The following THOC5 variants were observed in gnomAD, a reference collection of about 807,000 sequenced individuals.
THOC5 encodes the protein Fms-interacting protein.
Under a neutral mutation model 92.9 loss-of-function variants are expected in THOC5, and 43 were observed. The observed-to-expected ratio is 0.46, with a 90% CI of 0.36 to 0.60. THOC5 has a LOEUF of 0.60. THOC5 is among the 20% of genes least tolerant of loss of function. The pLI, the probability that THOC5 is intolerant of heterozygous loss-of-function variation, is 0.00. For missense variants in THOC5, 659 were observed against 849.4 expected (o/e 0.78, Z 2.79); for synonymous variants, 296 against 320.1 (o/e 0.92, Z 0.80).
chr22:29,545,607 T>G (rs2064000701), intron 2 of THOC5, among the ~76,000 whole-genome samples: 1 of 152,116 alleles, frequency 6.6e-6, no homozygotes, highest in Non-Finnish European at 1.5e-5. Context: ...AAGACCAAAA[T>G]CCAGTAGGGC....
intron 16 of THOC5, 43 bp from the exon 17 acceptor site, chr22:29,517,159 C>T (rs774677710): frequency 1.2e-6 from 2 of 1,611,552 alleles, no homozygotes; most frequent in South Asian, 2.2e-5. Context: ...GCTGGCTCCT[C>T]TGGTTAAACC....
At position 29,505,885 on chromosome 22, in the gene THOC5, C is replaced by T. The variant is rs1427989056; in HGVS notation, c.*2572G>A. On this transcript the variant is annotated 3_prime_UTR_variant, in exon 20 of 20. Coordinates refer to ENST00000490103, the MANE Select transcript of THOC5 (RefSeq NM_003678.5). ...TACATCTTTTTTTTTTTTTCCAAGA[C>T]GGAGTCTTGCTCTGTTGTCCAGATG... is the stretch of plus-strand genomic sequence containing the variant. 2.0e-5 allele frequency: 3 copies of T among 150,472 alleles called. No individual in the cohort carries two copies. Among genetic ancestry groups the T allele is most frequent in the South Asian group, 2.1e-4 (1 of 4,770 alleles). 9.3% of individuals were successfully genotyped at this position (150,472 alleles called of 1,614,324 possible).
chr22:29,518,304 A>G (rs887561257), intron 15 of THOC5, among the ~76,000 whole-genome samples: 2 of 152,168 alleles, frequency 1.3e-5, no homozygotes, highest in African/African-American at 4.8e-5. Flanking sequence ...AAGTGCTGTG[A>G]TTACAGGCAA....
intron 8 of THOC5, among the ~76,000 whole-genome samples, chr22:29,530,750 AC>A (rs1221774219): frequency 6.6e-6 from 1 of 151,714 alleles, no homozygotes; most frequent in Admixed American, 6.6e-5. Flanking sequence ...ATGTCTTGAG[AC>A]CCCCTCTGAG....
intron 11 of THOC5, 60 bp from the exon 12 acceptor site, chr22:29,526,006 A>G: frequency 1.2e-6 from 1 of 843,344 alleles, no homozygotes; most frequent in African/African-American, 1.8e-5. Flanking sequence ...GAGTGAACAG[A>G]GTCATAGGGG....
At chr22:29,530,505 G>C (rs1601421542) in intron 8 of THOC5, among the ~76,000 whole-genome samples, 1 of 152,068 alleles carries the variant, frequency 6.6e-6, no homozygotes, top group East Asian at 1.9e-4. Context: ...GGGCAACAGA[G>C]CCAGACTCCA....
chr22:29,523,839 T>C (rs28565881), intron 12 of THOC5, among the ~76,000 whole-genome samples: 2,171 of 152,318 alleles, frequency 0.014, 58 homozygotes, highest in African/African-American at 0.05. Context: ...AGAATGATAG[T>C]ATGAGATTCA....
At position 29,529,218 on chromosome 22, in the gene THOC5, A is replaced by C. The variant is rs760505803; in HGVS notation, c.869T>G (p.Ile290Ser). 24 of 1,614,046 alleles carry C rather than the reference A, an allele frequency of 1.5e-5. No homozygotes were observed. The highest frequency in any genetic ancestry group is 1.9e-5 in the Non-Finnish European group (22 of 1,180,030). ...CTTGGCTTCATCCACACTGCCTTCG[A>C]TTGCCACAGATAACGTCTTATCTGG... ...QACDKTLSVAIEGSVDEAKAL... is the reference protein window; with the variant it reads ...QACDKTLSVASEGSVDEAKAL... The change falls in exon 9 of 20, where the codon ATC becomes AGC. Residue 290 changes from isoleucine (I) to serine (S), a missense_variant. Coordinates refer to ENST00000490103, the MANE Select transcript of THOC5 (RefSeq NM_003678.5).
intron 5 of THOC5, among the ~76,000 whole-genome samples, chr22:29,540,342 A>T (rs933472694): frequency 6.6e-6 from 1 of 152,276 alleles, no homozygotes; most frequent in Non-Finnish European, 1.5e-5. Context: ...GACAGTAATG[A>T]TAACGGCAGC....
chr22:29,522,177 C>T (rs1002405532), intron 12 of THOC5, among the ~76,000 whole-genome samples: 8 of 145,230 alleles, frequency 5.5e-5, no homozygotes, highest in African/African-American at 1.8e-4. Context: ...GGTGAAACCC[C>T]GTCTCTGCTA....
intron 12 of THOC5, among the ~76,000 whole-genome samples, chr22:29,524,830 C>A (rs2188120): frequency 0.17 from 26,525 of 152,182 alleles, 2,541 homozygotes; most frequent in Middle Eastern, 0.23. Context: ...CCCTGCTCTA[C>A]CAGGCACCAG....
At chr22:29,530,158 A>G (rs2063623496) in intron 8 of THOC5, among the ~76,000 whole-genome samples, 1 of 150,112 alleles carries the variant, frequency 6.7e-6, no homozygotes, top group Non-Finnish European at 1.5e-5. Flanking sequence ...AAAAAGAAAA[A>G]AGAAAAACAG....
chr22:29,544,428 C>T, intron 3 of THOC5, 32 bp downstream of exon 3: 1 of 1,603,862 alleles, frequency 6.2e-7, no homozygotes, highest in Non-Finnish European at 8.5e-7. Context: ...GTAAACCCAC[C>T]AGGTTCACGG....
At chr22:29,543,842 C>T (rs1426070582) in intron 3 of THOC5, among the ~76,000 whole-genome samples, 2 of 152,136 alleles carry the variant, frequency 1.3e-5, no homozygotes, top group African/African-American at 4.8e-5. Flanking sequence ...GCAATAGTAA[C>T]ATCTTGTCAT....
chr22:29,528,718 C>A (rs1224731114), intron 9 of THOC5, among the ~76,000 whole-genome samples: 1 of 152,052 alleles, frequency 6.6e-6, no homozygotes, highest in East Asian at 1.9e-4. Context: ...GGAACACAAG[C>A]CCCTCCTTGT....
chr22:29,534,626 A>C (rs1001993196), intron 7 of THOC5: 2 of 151,568 alleles, frequency 1.3e-5, no homozygotes, highest in Non-Finnish European at 2.9e-5. Flanking sequence ...TGCACAGTGC[A>C]TGAGGACCAA....
At chr22:29,545,129 G>A in intron 2 of THOC5, 1 of 416,262 alleles carries the variant, frequency 2.4e-6, no homozygotes, top group Non-Finnish European at 4.7e-6. Context: ...TGTGGCGGCG[G>A]CAAGAGAAAA....
intron 1 of THOC5, 166 bp downstream of exon 1, chr22:29,553,505 T>G (rs1273026951): frequency 1.3e-5 from 2 of 152,376 alleles, no homozygotes; most frequent in East Asian, 3.8e-4. Flanking sequence ...ACTTTTCGGA[T>G]GAGGTAACAG....
At chr22:29,521,513 T>C (rs2063440896) in intron 12 of THOC5, among the ~76,000 whole-genome samples, 1 of 152,156 alleles carries the variant, frequency 6.6e-6, no homozygotes, top group African/African-American at 2.4e-5. Flanking sequence ...GTAGAAATAA[T>C]TTCAATTTTC....
Sources: gnomAD v4.1 joint callset for allele counts (sites outside exome capture counted in the v4.1 genomes callset) on GRCh38, gnomAD v4.1.1 for gene constraint, MANE v1.5 for transcripts, NCBI Gene and HGNC (gene_info 2026-07-23, HGNC 2026-07-21) for gene names.